Variants in SGCD observed in about 807,000 individuals in gnomAD.
SGCD encodes sarcoglycan delta.
Under a neutral mutation model 36.6 loss-of-function variants are expected in SGCD, and 18 were observed. The observed-to-expected ratio is 0.49, with a 90% confidence interval of 0.34 to 0.73. The LOEUF (loss-of-function observed/expected upper bound fraction) is 0.73. SGCD is among the 30% of genes least tolerant of loss of function. SGCD has a pLI of 0.01. For synonymous variants in SGCD, 133 were observed against 130.6 expected (o/e 1.02, Z -0.12); for missense variants, 387 against 346.7 (o/e 1.12, Z -0.92).
intron 3 of SGCD, among the ~76,000 whole-genome samples, chr5:156,293,527 T>C (rs1382060859): frequency 6.6e-6 from 1 of 152,160 alleles, no homozygotes; most frequent in African/African-American, 2.4e-5. Flanking sequence ...AGCTTCATTC[T>C]TTTGCATGTG....
At chr5:155,798,781 G>A in the SGCD span, among the ~76,000 whole-genome samples, 1 of 152,152 alleles carries the variant, frequency 6.6e-6, no homozygotes, top group African/African-American at 2.4e-5. Flanking sequence ...ATCTGGCTGT[G>A]TCCTGTGTCT....
chr5:156,499,251 A>C (rs1271921550), intron 3 of SGCD, among the ~76,000 whole-genome samples: 1 of 152,180 alleles, frequency 6.6e-6, no homozygotes, highest in African/African-American at 2.4e-5. Context: ...TCTAACGCGT[A>C]TGGAAATGGT....
chr5:156,508,519 A>G (rs1756800411), intron 3 of SGCD, 82 bp from the exon 4 acceptor site: 2 of 765,316 alleles, frequency 2.6e-6, no homozygotes, highest in Non-Finnish European at 4.4e-6. Flanking sequence ...AAAAAAGGCT[A>G]TAACTACGTT....
At chr5:156,360,289 C>T (rs1465229735) in intron 3 of SGCD, among the ~76,000 whole-genome samples, 3 of 150,682 alleles carry the variant, frequency 2.0e-5, no homozygotes, top group Non-Finnish European at 4.4e-5. Context: ...CTCTTGTCAC[C>T]CAGGCTGGAG....
At chr5:156,671,276 T>TTC (rs918998879) in intron 7 of SGCD, among the ~76,000 whole-genome samples, 1 of 146,516 alleles carries the variant, frequency 6.8e-6, no homozygotes, top group African/African-American at 2.5e-5. Flanking sequence ...TTGATTCTTT[T>TTC]TTTTTTTTTT....
At chr5:155,786,670 C>A in the SGCD span, among the ~76,000 whole-genome samples, 1 of 152,126 alleles carries the variant, frequency 6.6e-6, no homozygotes, top group Non-Finnish European at 1.5e-5. Context: ...CTGTCATCTT[C>A]CTCCTCCACA....
chr5:155,729,977 G>A, the SGCD span, among the ~76,000 whole-genome samples: 2 of 152,112 alleles, frequency 1.3e-5, no homozygotes, highest in Non-Finnish European at 2.9e-5. Context: ...TCATAGTTTC[G>A]CTCCTCTGTA....
chr5:156,742,571 A>C (rs1359208013), intron 7 of SGCD, among the ~76,000 whole-genome samples: 1 of 152,162 alleles, frequency 6.6e-6, no homozygotes, highest in East Asian at 1.9e-4. Flanking sequence ...CCTCTTATGC[A>C]CTTTCCACTC....
intron 6 of SGCD, among the ~76,000 whole-genome samples, chr5:156,608,986 G>A (rs1256845106): frequency 2.6e-5 from 4 of 152,108 alleles, no homozygotes; most frequent in Non-Finnish European, 4.4e-5. Flanking sequence ...GATGGGTCTT[G>A]ACTCTTTATC....
chr5:156,266,555 T>A (rs1766004447), intron 3 of SGCD, among the ~76,000 whole-genome samples: 1 of 152,204 alleles, frequency 6.6e-6, no homozygotes, highest in Non-Finnish European at 1.5e-5. Context: ...TGATCATAGC[T>A]CACTGCAGCC....
intron 3 of SGCD, among the ~76,000 whole-genome samples, chr5:156,461,768 G>A (rs1054686098): frequency 1.3e-5 from 2 of 152,096 alleles, no homozygotes; most frequent in East Asian, 1.9e-4. Context: ...AGGGAGATAT[G>A]AAGTAGAAAT....
chr5:156,061,043 A>T (rs1301498293), intron 1 of SGCD, among the ~76,000 whole-genome samples: 2 of 145,616 alleles, frequency 1.4e-5, no homozygotes, highest in African/African-American at 4.9e-5. Context: ...TCATTCCTGA[A>T]AATGGCAGCT....
chr5:156,195,798 G>A (rs1453175495), intron 3 of SGCD, among the ~76,000 whole-genome samples: 2 of 152,174 alleles, frequency 1.3e-5, no homozygotes, highest in Non-Finnish European at 2.9e-5. Flanking sequence ...AAAGATGGCA[G>A]GCTAGCAAAG....
intron 3 of SGCD, among the ~76,000 whole-genome samples, chr5:156,231,505 T>C (rs1343177134): frequency 2.6e-5 from 4 of 152,108 alleles, no homozygotes; most frequent in Non-Finnish European, 5.9e-5. Flanking sequence ...CACTGCACTC[T>C]ATCCTGGGCA....
At chr5:156,585,063 G>T (rs940188787) in intron 4 of SGCD, among the ~76,000 whole-genome samples, 2 of 152,192 alleles carry the variant, frequency 1.3e-5, no homozygotes, top group Non-Finnish European at 2.9e-5. Context: ...TAAACTTAGT[G>T]AAGTATTGAG....
chr5:156,381,963 A>G (rs927487652), intron 3 of SGCD, among the ~76,000 whole-genome samples: 2 of 152,220 alleles, frequency 1.3e-5, no homozygotes, highest in African/African-American at 4.8e-5. Flanking sequence ...AACACATAGT[A>G]AGTGGTCAAT....
intron 1 of SGCD, among the ~76,000 whole-genome samples, chr5:156,032,599 T>G (rs969632210): frequency 3.3e-5 from 5 of 149,384 alleles, no homozygotes; most frequent in African/African-American, 9.9e-5. Flanking sequence ...GCGCCGGTAT[T>G]CTCAGCTACT....
At chr5:156,035,471 A>G (rs1330936812) in intron 1 of SGCD, among the ~76,000 whole-genome samples, 4 of 152,080 alleles carry the variant, frequency 2.6e-5, no homozygotes, top group Non-Finnish European at 5.9e-5. Flanking sequence ...TTAGCCAGGT[A>G]TGGTGGCACA....
intron 1 of SGCD, among the ~76,000 whole-genome samples, chr5:155,926,209 T>G (rs1432383766): frequency 2.0e-5 from 3 of 152,188 alleles, no homozygotes; most frequent in Admixed American, 6.5e-5. Flanking sequence ...ATGAGAATTT[T>G]TGAGATACTG....
Sources: gnomAD v4.1 joint callset for allele counts (sites outside exome capture counted in the v4.1 genomes callset) on GRCh38, gnomAD v4.1.1 for gene constraint, MANE v1.5 for transcripts, NCBI Gene and HGNC (gene_info 2026-07-23, HGNC 2026-07-21) for gene names.